NCK2: variants seen among roughly 807,000 people sequenced by gnomAD.
The protein encoded by NCK2 is cytoplasmic protein NCK2.
NCK2 carries 16 observed loss-of-function variants against 33.9 expected under a neutral mutation model. That is an observed-to-expected ratio of 0.47 (90% CI 0.32 to 0.72). NCK2 has a LOEUF of 0.72. NCK2 is among the 30% of genes least tolerant of loss of function. NCK2 has a pLI of 0.03. For missense variants in NCK2, 418 were observed against 537.3 expected (o/e 0.78, Z 2.19); for synonymous variants, 273 against 239.9 (o/e 1.14, Z -1.27).
At chr2:105,768,754 G>T (rs1442162634) in intron 1 of NCK2, among the ~76,000 whole-genome samples, 2 of 152,194 alleles carry the variant, frequency 1.3e-5, no homozygotes, top group Admixed American at 1.3e-4. Flanking sequence ...TACAGTGTGT[G>T]TGGCCCAGGG....
intron 1 of NCK2, among the ~76,000 whole-genome samples, chr2:105,792,501 C>G (rs1362821609): frequency 6.6e-6 from 1 of 152,164 alleles, no homozygotes; most frequent in Non-Finnish European, 1.5e-5. Flanking sequence ...CAAATTTTCC[C>G]ACCTGTCTCA....
At chr2:105,750,849 G>A (rs533769074) in intron 1 of NCK2, among the ~76,000 whole-genome samples, 1 of 152,242 alleles carries the variant, frequency 6.6e-6, no homozygotes, top group Non-Finnish European at 1.5e-5. Context: ...AGCAAAGCAA[G>A]AGGTGGGGCC....
chr2:105,801,252 C>T (rs537142033), intron 1 of NCK2, among the ~76,000 whole-genome samples: 1 of 152,172 alleles, frequency 6.6e-6, no homozygotes, highest in Admixed American at 6.5e-5. Flanking sequence ...GCCGGGCTGT[C>T]ATCTCCTTGG....
intron 2 of NCK2, among the ~76,000 whole-genome samples, chr2:105,841,638 G>T (rs1378157814): frequency 6.6e-6 from 1 of 152,138 alleles, no homozygotes; most frequent in African/African-American, 2.4e-5. Context: ...TGGAGGGTGG[G>T]GTTGAAAGTC....
chr2:105,797,228 ATTTCAGCTCCTATACTAGTG>A (rs1278432738), intron 1 of NCK2, among the ~76,000 whole-genome samples: 1 of 152,080 alleles, frequency 6.6e-6, no homozygotes, highest in East Asian at 1.9e-4. Flanking sequence ...GGACACCCCT[ATTTCAGCTCCTATACTAGTG>A]TTTTAAGGGG....
intron 1 of NCK2, among the ~76,000 whole-genome samples, chr2:105,780,868 T>A (rs767242647): frequency 6.6e-6 from 1 of 152,252 alleles, no homozygotes; most frequent in African/African-American, 2.4e-5. Context: ...TACTTTGATC[T>A]TGGACTTCCA....
intron 1 of NCK2, among the ~76,000 whole-genome samples, chr2:105,770,847 C>A (rs1483094800): frequency 6.6e-6 from 1 of 152,170 alleles, no homozygotes; most frequent in Non-Finnish European, 1.5e-5. Context: ...TTTCAGTTTG[C>A]TTATCATTTC....
chr2:105,759,893 T>C (rs1703735849), intron 1 of NCK2, among the ~76,000 whole-genome samples: 1 of 152,036 alleles, frequency 6.6e-6, no homozygotes, highest in South Asian at 2.1e-4. Flanking sequence ...AGTTACCGGT[T>C]TGGGGAGGAA....
chr2:105,810,036 C>T (rs150666362), intron 1 of NCK2, among the ~76,000 whole-genome samples: 2 of 152,188 alleles, frequency 1.3e-5, no homozygotes, highest in African/African-American at 4.8e-5. Context: ...AGTGGCAGGG[C>T]CAGGGCTGAG....
chr2:105,849,975 G>C (rs1440708977), intron 2 of NCK2, among the ~76,000 whole-genome samples: 1 of 152,150 alleles, frequency 6.6e-6, no homozygotes, highest in South Asian at 2.1e-4. Context: ...AGAGGCAGCT[G>C]GGCTAAGGTG....
intron 2 of NCK2, among the ~76,000 whole-genome samples, chr2:105,819,004 G>C (rs1675618769): frequency 6.6e-6 from 1 of 152,196 alleles, no homozygotes; most frequent in Non-Finnish European, 1.5e-5. Flanking sequence ...GTGTCTTAGT[G>C]TTCTCGTCGT....
rs1678487757 is a variant in NCK2 at position 105,881,575 on chromosome 2, C to A, written c.474C>A (p.Gly158=). 1 of 1,613,888 alleles carries A rather than the reference C, an allele frequency of 6.2e-7. No individual in the cohort carries two copies. Among genetic ancestry groups the A allele is most frequent in the Non-Finnish European group, 8.5e-7 (1 of 1,180,012 alleles). ...WWRGSYNGQI[G]WFPSNYVLEE... is the part of the protein sequence containing the mutation. The stretch of plus-strand genomic sequence containing the variant: ...GGGGCAGCTACAACGGGCAGATCGG[C>A]TGGTTCCCCTCCAACTACGTCTTGG... The change falls in exon 4 of 5, where the codon GGC becomes GGA. Residue 158 remains glycine, a synonymous_variant. Transcript: ENST00000233154.
intron 3 of NCK2, among the ~76,000 whole-genome samples, chr2:105,868,284 C>T (rs910354584): frequency 1.3e-5 from 2 of 152,176 alleles, no homozygotes; most frequent in South Asian, 2.1e-4. Flanking sequence ...TTTATAACTT[C>T]CCCTTCCGTT....
chr2:105,830,411 A>AT lies in NCK2; in HGVS notation c.-17+13806dup, dbSNP rs1454833278. 5.3e-5 allele frequency among the ~76,000 whole-genome samples: 8 copies of AT among 151,936 alleles called. No homozygotes were observed. In the South Asian group the frequency reaches 1.0e-3, roughly 20 times the overall value. ...CATGAGTGACAAGTGACAGAATTTT[A>AT]TTTTTTTTCTGGCTGAATAGTATTC... On this transcript the variant is annotated intron_variant, in intron 2 of 4. Transcript: ENST00000233154.
In NCK2 at chr2:105,790,678, C is replaced by T. The variant is rs374778581; in HGVS notation, c.-200-25752C>T. ...CATCAGGCCAGGCCCTTAGTGCCTC[C>T]TTCCTCTGTTCTGGGCACCCCTAGG... is the stretch of plus-strand genomic sequence containing the variant. On this transcript the variant is annotated intron_variant, in intron 1 of 4. Transcript: ENST00000233154. Among the ~76,000 whole-genome samples the T allele has an allele frequency of 1.7e-4, 26 of 152,344 alleles. No homozygotes were observed. The East Asian group carries it at 4.2e-3, about 25-fold the overall frequency.
chr2:105,815,002 C>A (rs1462893122), intron 1 of NCK2, among the ~76,000 whole-genome samples: 1 of 152,226 alleles, frequency 6.6e-6, no homozygotes, highest in African/African-American at 2.4e-5. Context: ...GCACATTGCC[C>A]TTTGCTGATG....
At chr2:105,851,495 G>A (rs1677067792) in intron 2 of NCK2, among the ~76,000 whole-genome samples, 1 of 152,164 alleles carries the variant, frequency 6.6e-6, no homozygotes, top group African/African-American at 2.4e-5. Flanking sequence ...CTGACCTCGT[G>A]AAGCGCCTGC....
chr2:105,754,636 G>A (rs889720483), intron 1 of NCK2, among the ~76,000 whole-genome samples: 3 of 151,854 alleles, frequency 2.0e-5, no homozygotes, highest in Admixed American at 2.0e-4. Context: ...TGGGAGGTTG[G>A]GGGGAGCTGC....
intron 2 of NCK2, among the ~76,000 whole-genome samples, chr2:105,842,107 G>C (rs552856011): frequency 6.6e-6 from 1 of 150,890 alleles, no homozygotes; most frequent in Non-Finnish European, 1.5e-5. Context: ...TTTTTTTTGA[G>C]CCGGAGTTTC....
Sources: allele counts gnomAD v4.1 joint callset (sites outside exome capture counted in the v4.1 genomes callset), GRCh38; gene constraint gnomAD v4.1.1; transcripts MANE v1.5; gene names NCBI Gene and HGNC (gene_info 2026-07-23, HGNC 2026-07-21).